IL1RAPL1: variants seen among roughly 807,000 people sequenced by gnomAD.
IL1RAPL1 encodes interleukin 1 receptor accessory protein like 1.
IL1RAPL1 carries 3 observed loss-of-function variants against 48.4 expected under a neutral mutation model. The observed-to-expected ratio is 0.06, with a 90% CI of 0.03 to 0.16. IL1RAPL1 has a LOEUF of 0.16. IL1RAPL1 is among the 10% of genes least tolerant of loss of function. The probability of loss-of-function intolerance (pLI) is 1.00; values close to 1 mark genes in which losing one functional copy is unlikely to be tolerated. For synonymous variants in IL1RAPL1, 185 were observed against 187.7 expected (o/e 0.99, Z 0.12); for missense variants, 349 against 530.6 (o/e 0.66, Z 3.36).
At chrX:28,967,184 A>G (rs912215551) in intron 2 of IL1RAPL1, among the ~76,000 whole-genome samples, 1 of 111,659 alleles carries the variant, frequency 9.0e-6, no homozygotes, top group Non-Finnish European at 1.9e-5. Flanking sequence ...TCTCTACCAA[A>G]GACAAGGCTC....
At chrX:29,125,693 T>C (rs1190152859) in intron 2 of IL1RAPL1, among the ~76,000 whole-genome samples, 1 of 111,265 alleles carries the variant, frequency 9.0e-6, no homozygotes, top group Non-Finnish European at 1.9e-5. Context: ...TACTTTAGGG[T>C]ATAGAACATC....
chrX:29,549,416 C>T (rs1569336332), intron 5 of IL1RAPL1, among the ~76,000 whole-genome samples: 2 of 111,061 alleles, frequency 1.8e-5, no homozygotes, highest in Admixed American at 1.9e-4. Flanking sequence ...ACAGTGATGC[C>T]GGCATACTGT....
intron 2 of IL1RAPL1, among the ~76,000 whole-genome samples, chrX:29,095,480 G>T (rs1248395263): frequency 9.0e-6 from 1 of 111,651 alleles, no homozygotes; most frequent in African/African-American, 3.3e-5. Flanking sequence ...TATTCCCTAG[G>T]CTTCAGGGTT....
At position 28,900,463 on chromosome X, in the gene IL1RAPL1, A is replaced by G. The variant is rs997323529; in HGVS notation, c.82+111038A>G. On this transcript the variant is annotated intron_variant, in intron 2 of 10. Transcript: ENST00000378993. ...TTTAACTATGAGCTTTCTGGCACAC[A>G]TCATAAAAACAGAATAGATGAAACT... is the stretch of plus-strand genomic sequence containing the variant. Among the ~76,000 whole-genome samples, 8 of 112,068 alleles carry G rather than the reference A, an allele frequency of 7.1e-5. No homozygotes were observed. In the Admixed American group the frequency reaches 7.6e-4, roughly 11 times the overall value.
chrX:28,991,949 T>G (rs1925613725), intron 2 of IL1RAPL1, among the ~76,000 whole-genome samples: 1 of 111,890 alleles, frequency 8.9e-6, no homozygotes, highest in African/African-American at 3.2e-5. Context: ...GGACTTACTT[T>G]CGAGTTTGGT....
At chrX:29,542,862 T>A (rs1921485574) in intron 5 of IL1RAPL1, among the ~76,000 whole-genome samples, 1 of 112,083 alleles carries the variant, frequency 8.9e-6, no homozygotes, top group Admixed American at 9.5e-5. Flanking sequence ...CATTTCTAGA[T>A]TCCTCTCCAG....
intron 2 of IL1RAPL1, among the ~76,000 whole-genome samples, chrX:29,222,012 CG>C (rs1297107045): frequency 9.9e-5 from 3 of 30,172 alleles, no homozygotes; most frequent in African/African-American, 2.7e-4. Context: ...AGCGAGATTC[CG>C]TCAAAAAAAA....
intron 2 of IL1RAPL1, among the ~76,000 whole-genome samples, chrX:28,991,667 A>C (rs190951682): frequency 8.9e-6 from 1 of 112,271 alleles, no homozygotes; most frequent in African/African-American, 3.2e-5. Context: ...ATAGAGACAT[A>C]AATATATTTG....
intron 8 of IL1RAPL1, among the ~76,000 whole-genome samples, chrX:29,935,848 C>G (rs917509072): frequency 9.0e-6 from 1 of 111,378 alleles, no homozygotes; most frequent in Non-Finnish European, 1.9e-5. Context: ...GTCTAAAAAC[C>G]TCTTTCCAAA....
At chrX:29,473,606 C>T (rs188516807) in intron 5 of IL1RAPL1, among the ~76,000 whole-genome samples, 47 of 88,512 alleles carry the variant, frequency 5.3e-4, no homozygotes, top group African/African-American at 1.4e-3. Flanking sequence ...CCACCCCCCA[C>T]GACCCCTCAG....
chrX:28,654,376 C>T (rs745527206), intron 1 of IL1RAPL1, among the ~76,000 whole-genome samples: 11 of 111,013 alleles, frequency 9.9e-5, no homozygotes, highest in African/African-American at 3.6e-4. Flanking sequence ...TTCTTATCCC[C>T]ATTGAAAAAT....
intron 1 of IL1RAPL1, among the ~76,000 whole-genome samples, chrX:28,666,010 A>C (rs1434998483): frequency 3.6e-5 from 4 of 112,067 alleles, no homozygotes; most frequent in Admixed American, 9.5e-5. Context: ...AGGCCCACAC[A>C]GACCCACACA....
At chrX:29,414,025 C>CT (rs1438363081) in intron 5 of IL1RAPL1, among the ~76,000 whole-genome samples, 2 of 110,309 alleles carry the variant, frequency 1.8e-5, no homozygotes, top group Admixed American at 9.8e-5. Flanking sequence ...TTTTTCTATA[C>CT]TTTTTTTTGC....
intron 9 of IL1RAPL1, among the ~76,000 whole-genome samples, chrX:29,947,555 G>A (rs1299841061): frequency 9.0e-6 from 1 of 111,234 alleles, no homozygotes; most frequent in African/African-American, 3.3e-5. Flanking sequence ...CAGAAAATGT[G>A]AACATCTGTT....
chrX:29,775,750 A>G (rs1264686714), intron 6 of IL1RAPL1, among the ~76,000 whole-genome samples: 2 of 111,514 alleles, frequency 1.8e-5, no homozygotes, highest in South Asian at 3.8e-4. Flanking sequence ...GTGCCGAGAG[A>G]TGGGAATAGT....
chrX:29,090,207 T>G (rs1046862647), intron 2 of IL1RAPL1, among the ~76,000 whole-genome samples: 15 of 111,515 alleles, frequency 1.3e-4, no homozygotes, highest in African/African-American at 4.9e-4. Flanking sequence ...TTTTAAAACA[T>G]GATATTCTTA....
intron 1 of IL1RAPL1, among the ~76,000 whole-genome samples, chrX:28,703,490 A>T (rs560339012): frequency 1.8e-5 from 2 of 111,380 alleles, no homozygotes; most frequent in African/African-American, 6.5e-5. Context: ...ATAATTACAG[A>T]TTCTGGGACA....
chrX:28,845,312 A>C (rs942733070), intron 2 of IL1RAPL1, among the ~76,000 whole-genome samples: 17 of 111,687 alleles, frequency 1.5e-4, no homozygotes, highest in Non-Finnish European at 1.5e-4. Context: ...TATGGTATTA[A>C]ATATTGTTAG....
At chrX:28,613,281 G>T (rs914033006) in intron 1 of IL1RAPL1, among the ~76,000 whole-genome samples, 4 of 112,506 alleles carry the variant, frequency 3.6e-5, no homozygotes, top group Non-Finnish European at 7.5e-5. Context: ...GGGCCCTGTT[G>T]TTTGTCCTGT....
Sources: allele counts gnomAD v4.1 joint callset (sites outside exome capture counted in the v4.1 genomes callset), GRCh38; gene constraint gnomAD v4.1.1; transcripts MANE v1.5; gene names NCBI Gene and HGNC (gene_info 2026-07-23, HGNC 2026-07-21).